Variants in TTC34 observed in about 807,000 individuals in gnomAD.
TTC34 encodes tetratricopeptide repeat protein 34.
Under a neutral mutation model 40.7 loss-of-function variants are expected in TTC34, and 44 were observed. That is an observed-to-expected ratio of 1.08 (90% CI 0.85 to 1.39). The LOEUF (loss-of-function observed/expected upper bound fraction) is 1.39. TTC34 is among the 40% of genes most tolerant of loss of function. The probability of loss-of-function intolerance (pLI) is 0.00; values close to 1 mark genes in which losing one functional copy is unlikely to be tolerated. For missense variants in TTC34, 884 were observed against 838.0 expected (o/e 1.05, Z -0.68); for synonymous variants, 422 against 398.6 (o/e 1.06, Z -0.70).
At chr1:2,652,668 T>G (rs1217754080) in intron 6 of TTC34, among the ~76,000 whole-genome samples, 1 of 132,336 alleles carries the variant, frequency 7.6e-6, no homozygotes, top group African/African-American at 2.9e-5. Context: ...CCTGACATCG[T>G]GGAGCAGCAG....
rs1484260243 is a variant in TTC34 at position 2,657,752 on chromosome 1, C to T, written c.2227-12189G>A. ...GTCGGCACCCACACCCTCAGGTGAG[C>T]ATCTGACGGCCTGGAACAGCACCCA... is the stretch of plus-strand genomic sequence containing the variant. On this transcript the variant is annotated intron_variant, in intron 6 of 8. Transcript: ENST00000401095. Among the ~76,000 whole-genome samples the T allele has an allele frequency of 1.5e-4, 9 of 58,766 alleles. 1 individual carries two copies. Among genetic ancestry groups the T allele is most frequent in the Admixed American group, 3.3e-4 (2 of 6,022 alleles). 38.6% of individuals were successfully genotyped at this position (58,766 alleles called of 152,430 possible).
chr1:2,643,211 C>A (rs1027353342), intron 8 of TTC34, among the ~76,000 whole-genome samples: 1 of 152,170 alleles, frequency 6.6e-6, no homozygotes, highest in African/African-American at 2.4e-5. Context: ...CGCAGTGCCA[C>A]CCGGAGGGGG....
Position 2,797,320 on chromosome 1 carries a change from G to A in TTC34, c.784+2724C>T, listed in dbSNP as rs1643718146. On this transcript the variant is annotated intron_variant, in intron 2 of 8. Transcript: ENST00000401095. ...TGGCCTGGGATGGGGGCTGGGGCACGAGGAAAGGGCAGGGAGCCGCAGTGC... is the reference window on the plus strand; with the variant it reads ...TGGCCTGGGATGGGGGCTGGGGCACAAGGAAAGGGCAGGGAGCCGCAGTGC... Among the ~76,000 whole-genome samples the A allele has an allele frequency of 2.0e-5, 3 of 152,192 alleles. No individual in the cohort carries two copies. In the South Asian group the frequency reaches 6.2e-4, roughly 31 times the overall value.
Position 2,750,894 on chromosome 1 carries a change from C to G in TTC34, c.2226+32715G>C, listed in dbSNP as rs1398565221. Among the ~76,000 whole-genome samples, 4 of 54,284 alleles carry G rather than the reference C, an allele frequency of 7.4e-5. 1 individual carries two copies. The highest frequency in any genetic ancestry group is 4.0e-4 in the African/African-American group (4 of 10,008). 35.6% of individuals were successfully genotyped at this position (54,284 alleles called of 152,430 possible). On this transcript the variant is annotated intron_variant, in intron 6 of 8. Coordinates refer to ENST00000401095, the Ensembl canonical transcript of TTC34. ...GTGGAGCAGCACCCAAACCCCCAGG[C>G]GAGCATCTGAACGCACGGAGCAGCA...
intron 4 of TTC34, among the ~76,000 whole-genome samples, chr1:2,786,326 T>C (rs1643588650): frequency 1.3e-5 from 2 of 152,218 alleles, no homozygotes; most frequent in African/African-American, 4.8e-5. Context: ...AGCTTCTGCC[T>C]GTCTGAGCAC....
Position 2,752,331 on chromosome 1 carries a change from C to A in TTC34, c.2226+31278G>T, listed in dbSNP as rs1224395167. Among the ~76,000 whole-genome samples the A allele has an allele frequency of 1.7e-4, 18 of 103,852 alleles. 2 individuals carry two copies. In the South Asian group the frequency reaches 2.1e-3, roughly 12 times the overall value. 68.1% of individuals were successfully genotyped at this position (103,852 alleles called of 152,430 possible). A position where few individuals can be genotyped will look rare whatever the true frequency, so the allele number is the denominator to read the frequency against. On this transcript the variant is annotated intron_variant, in intron 6 of 8. Transcript: ENST00000401095. ...TGACAGCCTGGAACAGCACGCACAC[C>A]CCCAGGTGAGCATCTGACCGCCTGG...
intron 6 of TTC34, among the ~76,000 whole-genome samples, chr1:2,764,254 A>G (rs1270665082): frequency 2.0e-5 from 3 of 147,484 alleles, no homozygotes; most frequent in East Asian, 2.2e-4. Context: ...CTGGAGCAGC[A>G]CGCACACCCC....
At chr1:2,749,958 C>G (rs1226964391) in intron 6 of TTC34, among the ~76,000 whole-genome samples, 2 of 82,650 alleles carry the variant, frequency 2.4e-5, no homozygotes, top group African/African-American at 6.6e-5. Context: ...TGGAACAGCA[C>G]ACACACCGCC....
chr1:2,751,811 C>T (rs1413993470), intron 6 of TTC34, among the ~76,000 whole-genome samples: 2 of 123,926 alleles, frequency 1.6e-5, no homozygotes, highest in Non-Finnish European at 3.3e-5. Context: ...AGCCACATCC[C>T]CAGGTGAGAA....
chr1:2,755,698 C>CTG, intron 6 of TTC34, among the ~76,000 whole-genome samples: 1 of 110,504 alleles, frequency 9.0e-6, no homozygotes, highest in East Asian at 3.2e-4. Context: ...GAGCAGCACC[C>CTG]CAAACCCACA....
intron 6 of TTC34, among the ~76,000 whole-genome samples, chr1:2,699,414 C>G (rs1400508424): frequency 1.9e-5 from 2 of 106,892 alleles, no homozygotes; most frequent in Non-Finnish European, 4.4e-5. Context: ...ACCCCACACC[C>G]CAAGGTGAGT....
rs1483602646 is a variant in TTC34, at chr1:2,760,958, C to G, written c.2226+22651G>C. ...AGCATCTGACAGCCTGGAGCAGCGT[C>G]CACACCCCCAGGTGAGCATCTGATA... On this transcript the variant is annotated intron_variant, in intron 6 of 8. Coordinates refer to ENST00000401095, the Ensembl canonical transcript of TTC34. Among the ~76,000 whole-genome samples, 3 of 62,900 alleles carry G rather than the reference C, an allele frequency of 4.8e-5. 1 individual carries two copies. Among genetic ancestry groups the G allele is most frequent in the Non-Finnish European group, 7.9e-5 (3 of 37,804 alleles). 41.3% of individuals were successfully genotyped at this position (62,900 alleles called of 152,430 possible). A position where few individuals can be genotyped will look rare whatever the true frequency, so the allele number is the denominator to read the frequency against.
At chr1:2,686,338 A>G (rs1177995586) in intron 6 of TTC34, among the ~76,000 whole-genome samples, 1 of 151,688 alleles carries the variant, frequency 6.6e-6, no homozygotes, top group African/African-American at 2.4e-5. Context: ...CGAGCATCCG[A>G]CAGCCTGGAG....
intron 6 of TTC34, among the ~76,000 whole-genome samples, chr1:2,652,440 C>A (rs1159357265): frequency 3.9e-5 from 6 of 151,908 alleles, no homozygotes; most frequent in Non-Finnish European, 4.4e-5. Context: ...GAACAGCACC[C>A]ACACCCCCAG....
rs1041849544 is a variant in TTC34 at position 2,796,704 on chromosome 1, C to T, written c.784+3340G>A. Reference sequence around the variant, plus strand: ...CCCTTGCTGTGGGCATGGTCCTCACCAGCCCCTGAGTGCCTGTGCTCTGGG... The same window carrying T: ...CCCTTGCTGTGGGCATGGTCCTCACTAGCCCCTGAGTGCCTGTGCTCTGGG... On this transcript the variant is annotated intron_variant, in intron 2 of 8. Transcript: ENST00000401095. The surrounding 1 kb of genome is among the most constrained non-coding windows in gnomAD (Gnocchi z 4.5). 1.3e-5 allele frequency among the ~76,000 whole-genome samples: 2 copies of T among 152,196 alleles called. No homozygotes were observed. Among genetic ancestry groups the T allele is most frequent in the Non-Finnish European group, 2.9e-5 (2 of 68,032 alleles).
At chr1:2,777,697 G>T (rs1355561290) in intron 6 of TTC34, among the ~76,000 whole-genome samples, 1 of 151,738 alleles carries the variant, frequency 6.6e-6, no homozygotes, top group Non-Finnish European at 1.5e-5. Flanking sequence ...ATGGGGGGGG[G>T]GGCGCAGCAT....
intron 6 of TTC34, among the ~76,000 whole-genome samples, chr1:2,683,549 A>ACAGTTGAG (rs1640178533): frequency 7.5e-6 from 1 of 133,288 alleles, no homozygotes; most frequent in Non-Finnish European, 1.6e-5. Flanking sequence ...AGCAGCACCC[A>ACAGTTGAG]CAACCACAGG....
At chr1:2,793,736 C>A (rs747193344) in intron 2 of TTC34, among the ~76,000 whole-genome samples, 2 of 152,162 alleles carry the variant, frequency 1.3e-5, no homozygotes, top group African/African-American at 4.8e-5. Flanking sequence ...AGTTTTAGAT[C>A]GACGTGGGTC....
chr1:2,753,038 TG>T (rs2100437076), intron 6 of TTC34, among the ~76,000 whole-genome samples: 1 of 150,018 alleles, frequency 6.7e-6, no homozygotes, highest in East Asian at 2.0e-4. Flanking sequence ...TCCGACAGCC[TG>T]GAGCAGCACC....
Sources: gnomAD v4.1 joint callset for allele counts (sites outside exome capture counted in the v4.1 genomes callset) on GRCh38, gnomAD v4.1.1 for gene constraint, Gnocchi (gnomAD v3.1) non-coding constraint, MANE v1.5 for transcripts, NCBI Gene and HGNC (gene_info 2026-07-23, HGNC 2026-07-21) for gene names.